Variants in PLCG2 observed in about 807,000 individuals in gnomAD.
The protein encoded by PLCG2 is 1-phosphatidylinositol 4,5-bisphosphate phosphodiesterase gamma-2.
Under a neutral mutation model 175.6 loss-of-function variants are expected in PLCG2, and 69 were observed. That is an observed-to-expected ratio of 0.39 (90% CI 0.32 to 0.48). The LOEUF (loss-of-function observed/expected upper bound fraction) is 0.48, where lower values mean the gene tolerates loss of function less well. PLCG2 is among the 20% of genes least tolerant of loss of function. The probability of loss-of-function intolerance (pLI) is 0.91; values close to 1 mark genes in which losing one functional copy is unlikely to be tolerated. For synonymous variants in PLCG2, 827 were observed against 624.0 expected, an observed-to-expected ratio of 1.33 and a Z score of -4.85; for missense variants, 1,798 against 1,650.9, an observed-to-expected ratio of 1.09 and a Z score of -1.54.
At chr16:81,795,048 G>T (rs1012893835) in intron 2 of PLCG2, among the ~76,000 whole-genome samples, 7 of 152,172 alleles carry the variant, frequency 4.6e-5, no homozygotes, top group South Asian at 4.1e-4. Context: ...CTTAGAATTT[G>T]TTCCTTTGTT....
At chr16:81,856,388 C>A (rs1171395039) in intron 3 of PLCG2, among the ~76,000 whole-genome samples, 32 of 152,120 alleles carry the variant, frequency 2.1e-4, no homozygotes. Flanking sequence ...TGCAGTGGGA[C>A]TTGAGCTATG....
intron 7 of PLCG2, among the ~76,000 whole-genome samples, chr16:81,879,617 G>T (rs1018747882): frequency 3.9e-5 from 6 of 152,180 alleles, no homozygotes; most frequent in Non-Finnish European, 8.8e-5. Flanking sequence ...GTCATCTGGG[G>T]TAGGAGATGT....
intron 2 of PLCG2, among the ~76,000 whole-genome samples, chr16:81,773,015 T>C (rs1050272161): frequency 2.0e-5 from 3 of 152,188 alleles, no homozygotes; most frequent in Admixed American, 6.5e-5. Context: ...CCACATACTC[T>C]TGGGCATCCT....
At chr16:81,892,850 T>A (rs907994588) in intron 11 of PLCG2, among the ~76,000 whole-genome samples, 4 of 28,630 alleles carry the variant, frequency 1.4e-4, no homozygotes, top group Non-Finnish European at 4.0e-4. Context: ...ACATAAACTT[T>A]TTTTTTTTTT....
intron 2 of PLCG2, among the ~76,000 whole-genome samples, chr16:81,847,046 G>C (rs1234139080): frequency 6.6e-6 from 1 of 152,160 alleles, no homozygotes; most frequent in Non-Finnish European, 1.5e-5. Context: ...CCCATTTCAG[G>C]TGCCAGTCAC....
upstream of PLCG2, chr16:81,779,150 G>T (rs1910604562): frequency 6.6e-6 from 1 of 152,256 alleles, no homozygotes; most frequent in Non-Finnish European, 1.5e-5. Flanking sequence ...TGGCGGGGAG[G>T]GCGCGGGGAC....
intron 2 of PLCG2, among the ~76,000 whole-genome samples, chr16:81,849,626 C>G (rs1040476385): frequency 6.6e-6 from 1 of 152,016 alleles, no homozygotes; most frequent in Non-Finnish European, 1.5e-5. Context: ...CACAAATTTT[C>G]CAGGTCTGGT....
chr16:81,906,858 C>T (rs539023250), intron 15 of PLCG2, among the ~76,000 whole-genome samples: 1 of 152,104 alleles, frequency 6.6e-6, no homozygotes, highest in African/African-American at 2.4e-5. Flanking sequence ...GCTAACATGG[C>T]GAATCCCCGT....
chr16:81,900,687 A>C lies in PLCG2; in HGVS notation c.1269A>C (p.Glu423Asp), dbSNP rs1909112000. 6.2e-7 allele frequency: 1 copy of C among 1,613,342 alleles called. No individual in the cohort carries two copies. The highest frequency in any genetic ancestry group is 1.3e-5 in the African/African-American group (1 of 75,058). The change falls in exon 14 of 33, where the codon GAA becomes GAC. Residue 423 changes from glutamate (E) to aspartate (D), a missense_variant. Glu to Asp is a conservative substitution (Grantham distance 45). Transcript: ENST00000564138. ...GTCACATGGCCAAGGCCTTCAAGGA[A>C]GTATTTGGCGACCTGCTGTTGACGA... ...QQRHMAKAFK[E>D]VFGDLLLTKP... is the part of the protein sequence containing the mutation.
intron 7 of PLCG2, among the ~76,000 whole-genome samples, chr16:81,872,194 G>A (rs1249794405): frequency 1.3e-5 from 2 of 152,116 alleles, no homozygotes; most frequent in Admixed American, 1.3e-4. Flanking sequence ...CAGGCATGGT[G>A]GTGTGCACCC....
intron 5 of PLCG2, among the ~76,000 whole-genome samples, chr16:81,867,939 T>G (rs1907325533): frequency 6.6e-6 from 1 of 152,192 alleles, no homozygotes; most frequent in South Asian, 2.1e-4. Flanking sequence ...GACCTCGTGA[T>G]CCGCCCGCCT....
chr16:81,795,185 A>C (rs2143216876), intron 2 of PLCG2, among the ~76,000 whole-genome samples: 1 of 152,334 alleles, frequency 6.6e-6, no homozygotes, highest in East Asian at 1.9e-4. Flanking sequence ...AAAGCAGAAA[A>C]AGTCAGACTA....
chr16:81,936,336 C>A lies in PLCG2; in HGVS notation c.3010C>A (p.Leu1004Met), dbSNP rs763777636. ...AAACTACGACCCCTTCCGCCTCTGGCTGTGCGGTTCTCAGATGGTGGCACT... is the reference window on the plus strand; with the variant it reads ...AAACTACGACCCCTTCCGCCTCTGGATGTGCGGTTCTCAGATGGTGGCACT... ...SSNYDPFRLW[L>M]CGSQMVALNF... The change falls in exon 27 of 33, where the codon CTG becomes ATG. Residue 1004 changes from leucine (L) to methionine (M), a missense_variant. By Grantham distance (15) the Leu-to-Met change is conservative. Coordinates refer to ENST00000564138, the MANE Select transcript of PLCG2 (RefSeq NM_002661.5). 6.2e-7 allele frequency: 1 copy of A among 1,614,158 alleles called. No individual in the cohort carries two copies. The highest frequency in any genetic ancestry group is 1.7e-5 in the Admixed American group (1 of 60,028).
At position 81,850,700 on chromosome 16, in the gene PLCG2, A is replaced by G. The variant is rs113879948; in HGVS notation, c.194-3744A>G. Among the ~76,000 whole-genome samples, 9 of 152,318 alleles carry G rather than the reference A, an allele frequency of 5.9e-5. 1 individual carries two copies. Among genetic ancestry groups the G allele is most frequent in the African/African-American group, 2.2e-4 (9 of 41,574 alleles). On this transcript the variant is annotated intron_variant, in intron 2 of 32. Coordinates refer to ENST00000564138, the MANE Select transcript of PLCG2 (RefSeq NM_002661.5). ...GGCAGGGAGTGATATTTAAGCATGT[A>G]GAAGCGGGGAACTTCTGGCACCTGC...
At chr16:81,846,825 G>C (rs1597351835) in intron 2 of PLCG2, among the ~76,000 whole-genome samples, 1 of 152,132 alleles carries the variant, frequency 6.6e-6, no homozygotes, top group Non-Finnish European at 1.5e-5. Flanking sequence ...GAAAAATCAA[G>C]GTGTGTTTTT....
rs770994063 is a variant in PLCG2, at chr16:81,874,948, G to GTTTT, written c.648+4039_648+4042dup. ...CTATTTGCTAGGCACTATCCTATGT[G>GTTTT]TTTTTTTTTTTTTTTTTTTTTTTTT... On this transcript the variant is annotated intron_variant, in intron 7 of 32. Coordinates refer to ENST00000564138, the MANE Select transcript of PLCG2 (RefSeq NM_002661.5). Among the ~76,000 whole-genome samples, 76 of 40,756 alleles carry GTTTT rather than the reference G, an allele frequency of 1.9e-3. 2 individuals are homozygous for GTTTT. Among genetic ancestry groups the GTTTT allele is most frequent in the African/African-American group, 3.5e-3 (45 of 12,842 alleles). The allele number at this position is 40,756 out of a possible 152,430, so 26.7% of individuals were successfully genotyped here.
intron 31 of PLCG2, among the ~76,000 whole-genome samples, chr16:81,949,564 G>A (rs1422088296): frequency 6.6e-6 from 1 of 152,124 alleles, no homozygotes; most frequent in African/African-American, 2.4e-5. Context: ...GATATATCAT[G>A]TATCCTACTC....
At chr16:81,768,397 T>C (rs1910198682) in intron 2 of PLCG2, among the ~76,000 whole-genome samples, 1 of 152,162 alleles carries the variant, frequency 6.6e-6, no homozygotes, top group African/African-American at 2.4e-5. Context: ...TGTTTTCATA[T>C]CTCTTAGGTA....
At chr16:81,787,496 G>T in intron 2 of PLCG2, among the ~76,000 whole-genome samples, 1 of 135,512 alleles carries the variant, frequency 7.4e-6, no homozygotes, top group African/African-American at 2.8e-5. Flanking sequence ...CCAAAGCATT[G>T]GGATTACAGG....
Sources: allele counts gnomAD v4.1 joint callset (sites outside exome capture counted in the v4.1 genomes callset), GRCh38; gene constraint gnomAD v4.1.1; transcripts MANE v1.5; gene names NCBI Gene and HGNC (gene_info 2026-07-23, HGNC 2026-07-21).